Variants in ZFAND6 observed in about 807,000 individuals in gnomAD.
The protein encoded by ZFAND6 is zinc finger AN1-type containing 6.
ZFAND6 carries 12 observed loss-of-function variants against 24.5 expected under a neutral mutation model. The observed-to-expected ratio is 0.49, with a 90% CI of 0.31 to 0.79. The LOEUF (loss-of-function observed/expected upper bound fraction) is 0.79, where lower values mean the gene tolerates loss of function less well. ZFAND6 is among the 30% of genes least tolerant of loss of function. The probability of loss-of-function intolerance (pLI) is 0.04; values close to 1 mark genes in which losing one functional copy is unlikely to be tolerated. For missense variants in ZFAND6, 207 were observed against 245.9 expected (o/e 0.84, Z 1.06); for synonymous variants, 92 against 81.5 (o/e 1.13, Z -0.69).
chr15:80,070,320 C>T (rs886934404), intron 1 of ZFAND6, among the ~76,000 whole-genome samples: 5 of 152,170 alleles, frequency 3.3e-5, no homozygotes, highest in Admixed American at 1.3e-4. Context: ...TCTTTGAATA[C>T]TTGATGCTTA....
At chr15:80,087,409 TAAC>T (rs774144341) in intron 1 of ZFAND6, among the ~76,000 whole-genome samples, 23 of 152,234 alleles carry the variant, frequency 1.5e-4, no homozygotes, top group African/African-American at 5.1e-4. Context: ...AAATGACTAA[TAAC>T]AACTCTGATT....
At position 80,096,814 on chromosome 15, in the gene ZFAND6, T is replaced by C. The variant is rs2866368; in HGVS notation, c.-180-1602T>C. 0.02 allele frequency among the ~76,000 whole-genome samples: 3,106 copies of C among 152,224 alleles called. 228 individuals carry two copies. In the East Asian group the frequency reaches 0.22, roughly 11 times the overall value. On this transcript the variant is annotated intron_variant, in intron 1 of 6. Coordinates refer to ENST00000261749, the MANE Select transcript of ZFAND6 (RefSeq NM_019006.4). Reference sequence around the variant, plus strand: ...GCCCAGTGTACATATAGGGGAAAGGTAGTTATCTCAGTATTCTAGGATGTT... The same window carrying C: ...GCCCAGTGTACATATAGGGGAAAGGCAGTTATCTCAGTATTCTAGGATGTT...
chr15:80,132,200 A>G (rs1357948860), intron 6 of ZFAND6, among the ~76,000 whole-genome samples: 1 of 152,176 alleles, frequency 6.6e-6, no homozygotes, highest in African/African-American at 2.4e-5. Flanking sequence ...TACATTGGAA[A>G]ATTTTTTGGA....
chr15:80,118,358 G>A (rs1276441765), intron 2 of ZFAND6, among the ~76,000 whole-genome samples: 5 of 151,812 alleles, frequency 3.3e-5, no homozygotes, highest in Admixed American at 2.6e-4. Flanking sequence ...TCCTGACCTC[G>A]TGAGCCACCG....
intron 1 of ZFAND6, among the ~76,000 whole-genome samples, chr15:80,064,520 T>G (rs1203487681): frequency 6.6e-6 from 1 of 152,192 alleles, no homozygotes; most frequent in Non-Finnish European, 1.5e-5. Flanking sequence ...CCTTTTAAAC[T>G]TTTTATATTT....
At chr15:80,115,669 C>T (rs568303524) in intron 2 of ZFAND6, among the ~76,000 whole-genome samples, 27 of 151,972 alleles carry the variant, frequency 1.8e-4, no homozygotes, top group Middle Eastern at 3.4e-3. Context: ...TATGGCCTAA[C>T]GATTAATAAA....
At chr15:80,078,905 T>C (rs2037456250) in intron 1 of ZFAND6, among the ~76,000 whole-genome samples, 1 of 152,068 alleles carries the variant, frequency 6.6e-6, no homozygotes, top group Non-Finnish European at 1.5e-5. Context: ...ATTATTATTA[T>C]ACTTTAAGTT....
chr15:80,090,019 A>G lies in ZFAND6; in HGVS notation c.-180-8397A>G, dbSNP rs188737693. ...TCCTTTCCCTATAACGAAGCTAATCACTGTATAACTTCTCTTCCTTGTTTC... is the reference window on the plus strand; with the variant it reads ...TCCTTTCCCTATAACGAAGCTAATCGCTGTATAACTTCTCTTCCTTGTTTC... On this transcript the variant is annotated intron_variant, in intron 1 of 6. Coordinates refer to ENST00000261749, the MANE Select transcript of ZFAND6 (RefSeq NM_019006.4). Among the ~76,000 whole-genome samples, 10 of 152,268 alleles carry G rather than the reference A, an allele frequency of 6.6e-5. No individual in the cohort carries two copies. In the East Asian group the frequency reaches 1.9e-3, roughly 29 times the overall value.
At chr15:80,079,149 T>A (rs778987957) in intron 1 of ZFAND6, among the ~76,000 whole-genome samples, 8 of 152,150 alleles carry the variant, frequency 5.3e-5, no homozygotes, top group Non-Finnish European at 8.8e-5. Context: ...ATTCTGGATA[T>A]TAGACCTTTG....
At chr15:80,108,054 G>C (rs964378201) in intron 2 of ZFAND6, among the ~76,000 whole-genome samples, 9 of 152,176 alleles carry the variant, frequency 5.9e-5, no homozygotes, top group Admixed American at 2.0e-4. Context: ...AAATGAGAGT[G>C]CTAATAGTAC....
chr15:80,094,203 C>T (rs945995508), intron 1 of ZFAND6, among the ~76,000 whole-genome samples: 2 of 152,182 alleles, frequency 1.3e-5, no homozygotes, highest in Non-Finnish European at 2.9e-5. Flanking sequence ...TTTCCTATCC[C>T]AGTCCCTGGG....
In ZFAND6 at chr15:80,131,264, T is replaced by C; in HGVS notation, c.449T>C (p.Phe150Ser). The change falls in exon 6 of 7, where the codon TTC becomes TCC. Residue 150 changes from phenylalanine to serine, a missense_variant. Physicochemically the swap from Phe to Ser is radical, Grantham distance 155. Around this residue, in one of 3 missense-constraint regions of ZFAND6, gnomAD observed 133 missense variants for 122.8 expected, o/e 1.08. Transcript: ENST00000261749. The stretch of plus-strand genomic sequence containing the variant: ...CCGAAACAAAAAAAGAATCGCTGTT[T>C]CATGTGCAGGAAGAAAGTGGGACTT... ...EKPKQKKNRC[F>S]MCRKKVGLTG... is the part of the protein sequence containing the mutation. 1 of 1,613,260 alleles carries C rather than the reference T, an allele frequency of 6.2e-7. No homozygotes were observed.
At chr15:80,081,732 T>C (rs1002334999) in intron 1 of ZFAND6, among the ~76,000 whole-genome samples, 2 of 152,176 alleles carry the variant, frequency 1.3e-5, no homozygotes, top group Non-Finnish European at 2.9e-5. Context: ...CATATCAAGT[T>C]AACTTTATAG....
rs566602971 is a variant in ZFAND6 at position 80,064,950 on chromosome 15, C to G, written c.-181+5141C>G. Among the ~76,000 whole-genome samples, 4 of 150,426 alleles carry G rather than the reference C, an allele frequency of 2.7e-5. No homozygotes were observed. In the East Asian group the frequency reaches 5.9e-4, roughly 22 times the overall value. On this transcript the variant is annotated intron_variant, in intron 1 of 6. Coordinates refer to ENST00000261749, the MANE Select transcript of ZFAND6 (RefSeq NM_019006.4). ...CCTGGCATGCAAATATTTTTCCTGG[C>G]TCTTCATTTACCTAACAGTGTTGTC... is the stretch of plus-strand genomic sequence containing the variant.
intron 1 of ZFAND6, among the ~76,000 whole-genome samples, chr15:80,083,653 A>G (rs888877837): frequency 2.6e-5 from 4 of 152,176 alleles, no homozygotes; most frequent in African/African-American, 9.7e-5. Context: ...TCATGCCTGT[A>G]ATCCCAGCAC....
intron 1 of ZFAND6, among the ~76,000 whole-genome samples, chr15:80,066,749 T>C (rs766771425): frequency 6.6e-6 from 1 of 151,594 alleles, no homozygotes; most frequent in Non-Finnish European, 1.5e-5. Flanking sequence ...ATACCAAAAT[T>C]AGCTGGGCGT....
At chr15:80,109,835 A>T (rs2039519008) in intron 2 of ZFAND6, among the ~76,000 whole-genome samples, 1 of 152,246 alleles carries the variant, frequency 6.6e-6, no homozygotes, top group Non-Finnish European at 1.5e-5. Context: ...CCCAAAATTC[A>T]CTGGCTTAAA....
intron 2 of ZFAND6, chr15:80,111,480 G>C (rs1291181439): frequency 2.2e-6 from 1 of 455,194 alleles, no homozygotes; most frequent in Admixed American, 2.4e-5. Context: ...TGGAGTCGCC[G>C]GTAGCCACCT....
chr15:80,104,481 T>C (rs1444239047), intron 2 of ZFAND6, among the ~76,000 whole-genome samples: 1 of 152,196 alleles, frequency 6.6e-6, no homozygotes, highest in East Asian at 1.9e-4. Context: ...ATCGCACCAC[T>C]GCACTCCAGC....
Sources: gnomAD v4.1 joint callset for allele counts (sites outside exome capture counted in the v4.1 genomes callset) on GRCh38, gnomAD v4.1.1 for gene constraint, gnomAD v4.1.1 regional missense constraint, MANE v1.5 for transcripts, NCBI Gene and HGNC (gene_info 2026-07-23, HGNC 2026-07-21) for gene names.